Variants in SEZ6L observed in about 807,000 individuals in gnomAD.
The protein encoded by SEZ6L is seizure related 6 homolog like, also known as seizure 6-like protein.
SEZ6L carries 37 observed loss-of-function variants against 106.2 expected under a neutral mutation model. The observed-to-expected ratio is 0.35, with a 90% CI of 0.27 to 0.46. The LOEUF (loss-of-function observed/expected upper bound fraction) is 0.46. SEZ6L is among the 20% of genes least tolerant of loss of function. SEZ6L has a pLI of 1.00. For synonymous variants in SEZ6L, 541 were observed against 570.4 expected, an observed-to-expected ratio of 0.95 and a Z score of 0.73; for missense variants, 1,172 against 1,332.8, an observed-to-expected ratio of 0.88 and a Z score of 1.88.
At position 26,305,352 on chromosome 22, in the gene SEZ6L, AGCACGTTTTCTAG is replaced by A. The variant is rs143047444; in HGVS notation, c.1349-624_1349-612del. 1.7e-3 allele frequency among the ~76,000 whole-genome samples: 259 copies of A among 152,318 alleles called. 4 individuals are homozygous for A. The East Asian group carries it at 0.044, about 26-fold the overall frequency. ...CGCATTTGGCGGATCAAAGTGTTTG[AGCACGTTTTCTAG>A]GCTTTTCACTAAATTGCCCTCCCGA... is the stretch of plus-strand genomic sequence containing the variant. On this transcript the variant is annotated intron_variant, in intron 5 of 16. Coordinates refer to ENST00000248933, the MANE Select transcript of SEZ6L (RefSeq NM_021115.5).
intron 10 of SEZ6L, among the ~76,000 whole-genome samples, chr22:26,341,765 T>G (rs1193400313): frequency 6.6e-6 from 1 of 152,230 alleles, no homozygotes; most frequent in Non-Finnish European, 1.5e-5. Context: ...GGCTGCTTCC[T>G]CCTTCCTTGC....
At chr22:26,212,553 G>A (rs1460768500) in intron 1 of SEZ6L, among the ~76,000 whole-genome samples, 1 of 152,154 alleles carries the variant, frequency 6.6e-6, no homozygotes, top group Non-Finnish European at 1.5e-5. Flanking sequence ...CTCCTGAGTA[G>A]CTGGGACCAC....
chr22:26,332,213 G>A (rs143100559), intron 9 of SEZ6L, among the ~76,000 whole-genome samples: 7,874 of 144,320 alleles, frequency 0.055, 252 homozygotes, highest in Middle Eastern at 0.081. Flanking sequence ...GCAGTGGCGC[G>A]ATCTCGGCTC....
rs191334240 is a variant in SEZ6L, at chr22:26,285,636, G to A, written c.95-6770G>A. Among the ~76,000 whole-genome samples the A allele has an allele frequency of 3.3e-4, 50 of 152,308 alleles. 1 individual carries two copies. In the South Asian group the frequency reaches 3.7e-3, roughly 11 times the overall value. On this transcript the variant is annotated intron_variant, in intron 1 of 16. Transcript: ENST00000248933. Reference sequence around the variant, plus strand: ...GGGGGAGGTTTGCTGCTGGCATCTAGTGGGTAGAAGCTAGGGATGCTGCTC... The same window carrying A: ...GGGGGAGGTTTGCTGCTGGCATCTAATGGGTAGAAGCTAGGGATGCTGCTC...
At chr22:26,200,761 C>T (rs912902598) in intron 1 of SEZ6L, among the ~76,000 whole-genome samples, 34 of 152,200 alleles carry the variant, frequency 2.2e-4, no homozygotes, top group Admixed American at 2.0e-4. Context: ...ATTAAACATA[C>T]TCTGTGCCTC....
chr22:26,205,631 C>T (rs993679924), intron 1 of SEZ6L, among the ~76,000 whole-genome samples: 5 of 151,788 alleles, frequency 3.3e-5, no homozygotes, highest in Admixed American at 6.6e-5. Flanking sequence ...TTAACCTCTC[C>T]GCAGCAAAAT....
chr22:26,293,067 G>T lies in SEZ6L; in HGVS notation c.756G>T (p.Gly252=). ...LMDKGENELT[G]SASEESQETT... is the part of the protein sequence containing the mutation. The stretch of plus-strand genomic sequence containing the variant: ...ACAAAGGTGAGAATGAGCTGACTGG[G>T]TCAGCCTCAGAGGAGAGCCAGGAGA... Residue 252 remains glycine (G), a synonymous_variant, in exon 2 of 17, where the codon GGG becomes GGT. Transcript: ENST00000248933. 1 of 1,613,316 alleles carries T rather than the reference G, an allele frequency of 6.2e-7. No individual in the cohort carries two copies. Among genetic ancestry groups the T allele is most frequent in the Non-Finnish European group, 8.5e-7 (1 of 1,179,952 alleles).
At chr22:26,376,724 G>A (rs1282086329) in intron 15 of SEZ6L, among the ~76,000 whole-genome samples, 1 of 152,060 alleles carries the variant, frequency 6.6e-6, no homozygotes, top group Non-Finnish European at 1.5e-5. Flanking sequence ...ACTCCAGCCT[G>A]GGCAACAAAG....
At chr22:26,300,587 C>A (rs1180926448) in intron 5 of SEZ6L, among the ~76,000 whole-genome samples, 1 of 152,160 alleles carries the variant, frequency 6.6e-6, no homozygotes, top group Non-Finnish European at 1.5e-5. Flanking sequence ...CAAGTCTTTG[C>A]TATTGTGAAT....
At chr22:26,203,354 A>G (rs1941095703) in intron 1 of SEZ6L, among the ~76,000 whole-genome samples, 1 of 152,118 alleles carries the variant, frequency 6.6e-6, no homozygotes, top group Non-Finnish European at 1.5e-5. Context: ...ATGTTCCTTC[A>G]CGTATAGCAC....
At chr22:26,292,145 A>AAAGGAAGG (rs71192911) in intron 1 of SEZ6L, 20 of 386,320 alleles carry the variant, frequency 5.2e-5, no homozygotes, top group Non-Finnish European at 7.3e-5. Flanking sequence ...AGAAAGAAAG[A>AAAGGAAGG]AAGGAAGGAA....
At chr22:26,186,028 A>G (rs1429725120) in intron 1 of SEZ6L, among the ~76,000 whole-genome samples, 1 of 151,916 alleles carries the variant, frequency 6.6e-6, no homozygotes, top group Non-Finnish European at 1.5e-5. Context: ...GTGCCCTGTG[A>G]AGTGTGTGAT....
intron 1 of SEZ6L, 152 bp from the exon 2 acceptor site, chr22:26,292,253 AG>A (rs2081150075): frequency 1.7e-6 from 1 of 590,934 alleles, no homozygotes; most frequent in Non-Finnish European, 3.0e-6. Context: ...GAAAAAAGAA[AG>A]GAAGGGAGGG....
At chr22:26,367,372 C>G (rs1352070258) in intron 13 of SEZ6L, among the ~76,000 whole-genome samples, 1 of 152,088 alleles carries the variant, frequency 6.6e-6, no homozygotes, top group Non-Finnish European at 1.5e-5. Context: ...GAGACAGGGT[C>G]TTACTCTGTT....
intron 6 of SEZ6L, among the ~76,000 whole-genome samples, chr22:26,309,809 C>G (rs568014234): frequency 1.5e-4 from 23 of 152,274 alleles, no homozygotes; most frequent in Admixed American, 8.5e-4. Flanking sequence ...TAACTCCTGA[C>G]CTCAGGTGAT....
intron 1 of SEZ6L, among the ~76,000 whole-genome samples, chr22:26,262,354 T>A (rs1028262199): frequency 6.6e-6 from 1 of 151,994 alleles, no homozygotes; most frequent in African/African-American, 2.4e-5. Flanking sequence ...GAGACTCAAC[T>A]GCAGCACATC....
intron 1 of SEZ6L, among the ~76,000 whole-genome samples, chr22:26,283,516 C>A (rs561260920): frequency 5.4e-4 from 82 of 152,296 alleles, no homozygotes; most frequent in Admixed American, 1.0e-3. Flanking sequence ...TCCATCACAG[C>A]TGCACTTATC....
chr22:26,207,690 GC>G (rs1409289956), intron 1 of SEZ6L, among the ~76,000 whole-genome samples: 1 of 150,908 alleles, frequency 6.6e-6, no homozygotes. Context: ...ATACATTTTT[GC>G]ATTTTGGGTG....
chr22:26,307,524 G>A (rs2081670836), intron 6 of SEZ6L, among the ~76,000 whole-genome samples: 2 of 151,718 alleles, frequency 1.3e-5, no homozygotes, highest in South Asian at 4.2e-4. Context: ...TACCTCTTGA[G>A]TCCACTTCCC....
Sources: allele counts gnomAD v4.1 joint callset (sites outside exome capture counted in the v4.1 genomes callset), GRCh38; gene constraint gnomAD v4.1.1; transcripts MANE v1.5; gene names NCBI Gene and HGNC (gene_info 2026-07-23, HGNC 2026-07-21).